The following EDIL3 variants were observed in gnomAD, a reference collection of about 807,000 sequenced individuals.
EDIL3 encodes EGF-like repeat and discoidin I-like domain-containing protein 3.
A neutral mutation model predicts 67.4 loss-of-function variants in EDIL3; 37 were observed. The ratio of observed to expected loss-of-function variants is 0.55; its 90% CI spans 0.42 to 0.72. The LOEUF (loss-of-function observed/expected upper bound fraction) is 0.72, where lower values mean the gene tolerates loss of function less well. Ranked by LOEUF, EDIL3 falls within the 30% of genes least tolerant of loss-of-function variation. The pLI, the probability that EDIL3 is intolerant of heterozygous loss-of-function variation, is 0.00. For missense variants in EDIL3, 527 were observed against 586.3 expected (o/e 0.90, Z 1.04); for synonymous variants, 195 against 196.3 (o/e 0.99, Z 0.05).
chr5:84,070,484 A>T (rs1746718577), intron 6 of EDIL3, among the ~76,000 whole-genome samples: 1 of 152,190 alleles, frequency 6.6e-6, no homozygotes, highest in African/African-American at 2.4e-5. Context: ...ACATCCCATC[A>T]CACACCTTGC....
intron 5 of EDIL3, among the ~76,000 whole-genome samples, chr5:84,114,012 T>C (rs1747619266): frequency 6.6e-6 from 1 of 152,182 alleles, no homozygotes; most frequent in African/African-American, 2.4e-5. Context: ...CTGTGCCACT[T>C]GGACAACAGC....
rs1561416960 is a variant in EDIL3 at position 84,055,607 on chromosome 5, TACAA to T, written c.1137+4689_1137+4692del. On this transcript the variant is annotated intron_variant, in intron 9 of 10. Transcript: ENST00000296591. ...AATCTACAAAGAACTCAAACAAATT[TACAA>T]GAAAAAAACAAACAACCCCATCAAA... Among the ~76,000 whole-genome samples the T allele has an allele frequency of 8.6e-5, 13 of 151,708 alleles. No individual in the cohort carries two copies. The South Asian group carries it at 2.7e-3, about 32-fold the overall frequency.
rs1483008626 is a variant in EDIL3 at position 84,060,438 on chromosome 5, A to G, written c.999T>C (p.Tyr333=). The change falls in exon 9 of 11, where the codon TAT becomes TAC. Residue 333 remains tyrosine (Y), a synonymous_variant. Coordinates refer to ENST00000296591, the MANE Select transcript of EDIL3 (RefSeq NM_005711.5). ...LGMKSGHIQD[Y]QITASSIFRT... ...TGAAGATGCTGGAGGCAGTGATCTGATAGTCTTGTATATGTCCTGATTTCA... is the reference window on the plus strand; with the variant it reads ...TGAAGATGCTGGAGGCAGTGATCTGGTAGTCTTGTATATGTCCTGATTTCA... The G allele has an allele frequency of 1.2e-6, 2 of 1,613,754 alleles. No individual in the cohort carries two copies. The highest frequency in any genetic ancestry group is 1.7e-6 in the Non-Finnish European group (2 of 1,179,802).
chr5:84,343,923 A>G (rs1747181246), intron 1 of EDIL3, among the ~76,000 whole-genome samples: 2 of 152,168 alleles, frequency 1.3e-5, no homozygotes, highest in African/African-American at 4.8e-5. Context: ...AGGCTCAGGT[A>G]GTTTCAGGTT....
chr5:84,340,503 A>ACTCT (rs1170972212), intron 1 of EDIL3, among the ~76,000 whole-genome samples: 386 of 38,564 alleles, frequency 0.01, 1 homozygote, highest in East Asian at 0.027. Flanking sequence ...AGGGAAGATT[A>ACTCT]CTCTCTCTCT....
intron 6 of EDIL3, among the ~76,000 whole-genome samples, chr5:84,068,354 G>A (rs985591935): frequency 6.6e-6 from 1 of 152,008 alleles, no homozygotes; most frequent in Non-Finnish European, 1.5e-5. Context: ...CACATCTGAT[G>A]TTGCTGAACA....
intron 4 of EDIL3, among the ~76,000 whole-genome samples, chr5:84,137,590 T>C (rs1561442420): frequency 6.6e-6 from 1 of 152,168 alleles, no homozygotes; most frequent in African/African-American, 2.4e-5. Flanking sequence ...CCAATGGAAC[T>C]AAACCACTCT....
At chr5:84,050,842 C>T (rs1561415149) in intron 9 of EDIL3, among the ~76,000 whole-genome samples, 2 of 152,316 alleles carry the variant, frequency 1.3e-5, no homozygotes, top group South Asian at 4.1e-4. Context: ...AAGCCCACCG[C>T]AGCTCAAGGA....
intron 9 of EDIL3, among the ~76,000 whole-genome samples, chr5:84,023,123 G>A (rs1213189471): frequency 6.6e-6 from 1 of 151,914 alleles, no homozygotes; most frequent in Non-Finnish European, 1.5e-5. Flanking sequence ...GGGAGCTAAC[G>A]TACAACACGA....
chr5:84,014,638 C>T lies in EDIL3; in HGVS notation c.1137+45662G>A, dbSNP rs367611544. ...CCAGCCTGGAGACAGAGCGAGACTC[C>T]GTCTCAAACAAACAAACAAACAAAC... On this transcript the variant is annotated intron_variant, in intron 9 of 10. Transcript: ENST00000296591. 1.4e-4 allele frequency among the ~76,000 whole-genome samples: 21 copies of T among 151,288 alleles called. No homozygotes were observed. The South Asian group carries it at 3.5e-3, about 25-fold the overall frequency.
chr5:83,958,162 A>G (rs1744548180), intron 10 of EDIL3, among the ~76,000 whole-genome samples: 1 of 151,662 alleles, frequency 6.6e-6, no homozygotes, highest in Non-Finnish European at 1.5e-5. Flanking sequence ...ACAGAAAACT[A>G]CACTTAGTTT....
intron 4 of EDIL3, among the ~76,000 whole-genome samples, chr5:84,166,724 G>T (rs1748711040): frequency 6.6e-6 from 1 of 152,196 alleles, no homozygotes; most frequent in Admixed American, 6.5e-5. Flanking sequence ...AGATGTTAAA[G>T]AATGCTGTTG....
chr5:83,978,244 C>G (rs927390592), intron 9 of EDIL3, among the ~76,000 whole-genome samples: 2 of 151,768 alleles, frequency 1.3e-5, no homozygotes, highest in Non-Finnish European at 2.9e-5. Flanking sequence ...TTTTAGAAAC[C>G]CATTCACTAC....
chr5:84,362,074 G>T (rs1747623394), intron 1 of EDIL3, among the ~76,000 whole-genome samples: 1 of 151,970 alleles, frequency 6.6e-6, no homozygotes, highest in Non-Finnish European at 1.5e-5. Context: ...TCCCAAAAGA[G>T]CAGTAATGCC....
At chr5:84,343,266 T>G (rs1383668416) in intron 1 of EDIL3, among the ~76,000 whole-genome samples, 2 of 152,070 alleles carry the variant, frequency 1.3e-5, no homozygotes, top group African/African-American at 4.8e-5. Flanking sequence ...AATTTGAAAT[T>G]ATTTGTTTCT....
chr5:84,192,158 T>G (rs1201501115), intron 3 of EDIL3, among the ~76,000 whole-genome samples: 2 of 151,984 alleles, frequency 1.3e-5, no homozygotes, highest in Non-Finnish European at 2.9e-5. Flanking sequence ...ATCATAAGAT[T>G]TTTTTACCCT....
At chr5:84,290,463 C>T (rs1469536713) in intron 1 of EDIL3, among the ~76,000 whole-genome samples, 3 of 152,134 alleles carry the variant, frequency 2.0e-5, no homozygotes, top group South Asian at 2.1e-4. Flanking sequence ...GTCTGTGCTA[C>T]CGAACGTTGG....
At chr5:84,070,674 T>TG (rs1335464675) in intron 6 of EDIL3, among the ~76,000 whole-genome samples, 2 of 149,602 alleles carry the variant, frequency 1.3e-5, no homozygotes, top group African/African-American at 2.5e-5. Flanking sequence ...AGTCTTACCA[T>TG]GGGGGGTGGG....
intron 6 of EDIL3, among the ~76,000 whole-genome samples, chr5:84,070,629 G>T (rs997591128): frequency 6.6e-6 from 1 of 151,828 alleles, no homozygotes; most frequent in Non-Finnish European, 1.5e-5. Flanking sequence ...GTGTGTGTGT[G>T]TGTGTGTGTG....
Sources: gnomAD v4.1 joint callset for allele counts (sites outside exome capture counted in the v4.1 genomes callset) on GRCh38, gnomAD v4.1.1 for gene constraint, MANE v1.5 for transcripts, NCBI Gene and HGNC (gene_info 2026-07-23, HGNC 2026-07-21) for gene names.